The following DNAAF9 variants were observed in gnomAD, a reference collection of about 807,000 sequenced individuals.
The protein encoded by DNAAF9 is dynein axonemal assembly factor 9, also known as shulin.
Under a neutral mutation model 167.0 loss-of-function variants are expected in DNAAF9, and 90 were observed. The ratio of observed to expected loss-of-function variants is 0.54; its 90% CI spans 0.45 to 0.64. The LOEUF is 0.64. Among genes scored for constraint, DNAAF9 ranks in the 30% least tolerant of loss-of-function variants. The pLI, the probability that DNAAF9 is intolerant of heterozygous loss-of-function variation, is 0.00. For synonymous variants in DNAAF9, 491 were observed against 508.8 expected (o/e 0.96, Z 0.47); for missense variants, 1,315 against 1,442.2 (o/e 0.91, Z 1.43).
chr20:3,276,787 G>C (rs1031887557), intron 29 of DNAAF9, among the ~76,000 whole-genome samples: 3 of 152,202 alleles, frequency 2.0e-5, no homozygotes, highest in Non-Finnish European at 2.9e-5. Context: ...GCATTTACAA[G>C]AACAAGGCAG....
chr20:3,309,985 G>C (rs540271254), intron 20 of DNAAF9, among the ~76,000 whole-genome samples: 1 of 152,230 alleles, frequency 6.6e-6, no homozygotes, highest in African/African-American at 2.4e-5. Context: ...CTGAAGTCGG[G>C]AGATTGAGAC....
chr20:3,279,827 C>A (rs1456201432), intron 28 of DNAAF9, among the ~76,000 whole-genome samples: 1 of 152,182 alleles, frequency 6.6e-6, no homozygotes, highest in East Asian at 1.9e-4. Flanking sequence ...TGTTTGGCAC[C>A]ACAGAGGTCC....
chr20:3,394,949 C>CTTTTTTTTTTTTTTTTTT lies in DNAAF9; in HGVS notation c.84-12461_84-12444dup, dbSNP rs10522445. The stretch of plus-strand genomic sequence containing the variant: ...GCTTTTACTGAACATTTTCTTTTTT[C>CTTTTTTTTTTTTTTTTTT]TTTTTTTTTTTTTTTTTTTTTTTTT... On this transcript the variant is annotated intron_variant, in intron 1 of 36. Coordinates refer to ENST00000252032, the MANE Select transcript of DNAAF9 (RefSeq NM_001009984.3). Among the ~76,000 whole-genome samples, 9 of 102,134 alleles carry CTTTTTTTTTTTTTTTTTT rather than the reference C, an allele frequency of 8.8e-5. 1 individual carries two copies. The highest frequency in any genetic ancestry group is 1.1e-4 in the Non-Finnish European group (6 of 52,758). 67.0% of individuals were successfully genotyped at this position (102,134 alleles called of 152,430 possible). A position where few individuals can be genotyped will look rare whatever the true frequency, so the allele number is the denominator to read the frequency against.
chr20:3,390,174 G>A (rs2083806971), intron 1 of DNAAF9, among the ~76,000 whole-genome samples: 1 of 152,120 alleles, frequency 6.6e-6, no homozygotes, highest in Non-Finnish European at 1.5e-5. Context: ...TATGTAGTAG[G>A]ATGTCCTTTA....
chr20:3,375,240 G>C (rs1293162903), intron 4 of DNAAF9, 114 bp from the exon 5 acceptor site: 1 of 690,370 alleles, frequency 1.4e-6, no homozygotes, highest in Non-Finnish European at 2.5e-6. Flanking sequence ...ACAGAGGACT[G>C]CACCCAAGGA....
intron 1 of DNAAF9, among the ~76,000 whole-genome samples, chr20:3,390,881 A>G (rs1158258301): frequency 6.6e-6 from 1 of 152,198 alleles, no homozygotes; most frequent in Non-Finnish European, 1.5e-5. Context: ...GAAATAGTTC[A>G]TTGAGTTGGT....
At chr20:3,361,897 G>A in intron 6 of DNAAF9, 1 of 1,492,758 alleles carries the variant, frequency 6.7e-7, no homozygotes, top group Non-Finnish European at 9.3e-7. Flanking sequence ...CTCTAACACT[G>A]TCCTTCAGGT....
At chr20:3,347,008 A>C (rs970892659) in intron 8 of DNAAF9, among the ~76,000 whole-genome samples, 4 of 152,170 alleles carry the variant, frequency 2.6e-5, no homozygotes, top group African/African-American at 9.6e-5. Flanking sequence ...CTACAGACCT[A>C]GGAAGCTCAA....
At chr20:3,386,461 T>C (rs1414316195) in intron 1 of DNAAF9, among the ~76,000 whole-genome samples, 3 of 152,306 alleles carry the variant, frequency 2.0e-5, no homozygotes, top group South Asian at 2.1e-4. Context: ...TTACACATTA[T>C]ATACAAATTA....
Position 3,374,137 on chromosome 20 carries a change from C to A in DNAAF9, c.523G>T (p.Asp175Tyr). 6.2e-7 allele frequency: 1 copy of A among 1,610,376 alleles called. No homozygotes were observed. The highest frequency in any genetic ancestry group is 8.5e-7 in the Non-Finnish European group (1 of 1,176,644). Residue 175 changes from aspartate (D) to tyrosine (Y), a missense_variant, in exon 6 of 37, where the codon GAT (aspartate) becomes TAT (tyrosine). By Grantham distance (160) the Asp-to-Tyr change is radical. This residue lies in a region of DNAAF9 where 981 missense variants were observed against 1,012.5 expected (regional missense o/e 0.97). Coordinates refer to ENST00000252032, the MANE Select transcript of DNAAF9 (RefSeq NM_001009984.3). ...YSSQGHLQIF[D>Y]MFVVEKWPIV... ...GGCCATTTCTCCACCACAAACATAT[C>A]AAATATCTGCAAGTGACCTAGAAGA... is the stretch of plus-strand genomic sequence containing the variant.
intron 8 of DNAAF9, among the ~76,000 whole-genome samples, chr20:3,346,602 T>C (rs1474150372): frequency 1.3e-5 from 2 of 152,092 alleles, no homozygotes; most frequent in African/African-American, 2.4e-5. Context: ...CCTTCAATGT[T>C]AGAAAGGTGA....
chr20:3,295,043 G>C (rs776871525), intron 23 of DNAAF9, among the ~76,000 whole-genome samples: 1 of 151,948 alleles, frequency 6.6e-6, no homozygotes, highest in Non-Finnish European at 1.5e-5. Context: ...TTTTGTGTTT[G>C]TATTTTTAGT....
chr20:3,339,387 G>A (rs1040293389), intron 10 of DNAAF9, among the ~76,000 whole-genome samples: 2 of 152,170 alleles, frequency 1.3e-5, no homozygotes, highest in African/African-American at 4.8e-5. Context: ...TCAGGTAACA[G>A]GAACTGAAGA....
chr20:3,276,962 C>T (rs542350453), intron 29 of DNAAF9, among the ~76,000 whole-genome samples: 3 of 152,188 alleles, frequency 2.0e-5, no homozygotes, highest in Non-Finnish European at 4.4e-5. Context: ...CCTACCCCTT[C>T]CTTCTCAGGG....
chr20:3,353,631 G>GC (rs2083244340), intron 7 of DNAAF9, among the ~76,000 whole-genome samples: 6 of 37,354 alleles, frequency 1.6e-4, no homozygotes, highest in Admixed American at 2.6e-4. Flanking sequence ...CTGTCCCCCC[G>GC]CACCACCCCC....
intron 28 of DNAAF9, 91 bp downstream of exon 28, chr20:3,281,549 AG>A: frequency 1.6e-6 from 2 of 1,217,276 alleles, no homozygotes; most frequent in Non-Finnish European, 2.3e-6. Context: ...ACTACATACA[AG>A]GTGACTAATG....
Position 3,376,258 on chromosome 20 carries a change from T to G in DNAAF9, c.328A>C (p.Asn110His), listed in dbSNP as rs1349701295. 6.2e-7 allele frequency: 1 copy of G among 1,613,014 alleles called. No individual in the cohort carries two copies. Among genetic ancestry groups the G allele is most frequent in the Admixed American group, 1.7e-5 (1 of 59,978 alleles). The change falls in exon 4 of 37, where the codon AAT becomes CAT. Residue 110 changes from asparagine (N) to histidine (H), a missense_variant. Asn to His is a moderately conservative substitution (Grantham distance 68). Transcript: ENST00000252032. ...IKSDSVHLYCNPVNFRYLLPY... is the reference protein window; with the variant it reads ...IKSDSVHLYCHPVNFRYLLPY... ...AAGAGATAGCGAAAGTTTACAGGAT[T>G]ACAGTACAGATGGACGCTATCCGAT... is the stretch of plus-strand genomic sequence containing the variant.
chr20:3,368,765 G>A (rs1317142665), intron 6 of DNAAF9, among the ~76,000 whole-genome samples: 6 of 151,900 alleles, frequency 3.9e-5, no homozygotes, highest in Non-Finnish European at 5.9e-5. Context: ...TGATCCCTCC[G>A]CCTCGGCCTC....
chr20:3,333,135 G>A (rs2069871316), intron 10 of DNAAF9, among the ~76,000 whole-genome samples: 1 of 152,136 alleles, frequency 6.6e-6, no homozygotes, highest in Non-Finnish European at 1.5e-5. Context: ...CCAAATTCAG[G>A]AAAGGATGGT....
Sources: gnomAD v4.1 joint callset for allele counts (sites outside exome capture counted in the v4.1 genomes callset) on GRCh38, gnomAD v4.1.1 for gene constraint, gnomAD v4.1.1 regional missense constraint, MANE v1.5 for transcripts, NCBI Gene and HGNC (gene_info 2026-07-23, HGNC 2026-07-21) for gene names.